SPAG17: variants seen among roughly 807,000 people sequenced by gnomAD.
The protein encoded by SPAG17 is sperm associated antigen 17, also known as sperm-associated antigen 17.
SPAG17 carries 169 observed loss-of-function variants against 273.6 expected under a neutral mutation model. The ratio of observed to expected loss-of-function variants is 0.62; its 90% CI spans 0.55 to 0.70. The LOEUF is 0.70. Ranked by LOEUF, SPAG17 falls within the 30% of genes least tolerant of loss-of-function variation. The pLI, the probability that SPAG17 is intolerant of heterozygous loss-of-function variation, is 0.00. For missense variants in SPAG17, 2,557 were observed against 2,627.8 expected (o/e 0.97, Z 0.59); for synonymous variants, 825 against 873.2 (o/e 0.94, Z 0.97).
Position 117,953,761 on chromosome 1 carries a change from T to C in SPAG17, c.*289A>G, listed in dbSNP as rs992707007. ...GCTCCTTTCAGGTGTTCCTGGGACC[T>C]GCCCTATTCAGAGTGTCTAGATATC... On this transcript the variant is annotated 3_prime_UTR_variant, in exon 49 of 49. Transcript: ENST00000336338. 16 of 610,300 alleles carry C rather than the reference T, an allele frequency of 2.6e-5. No individual in the cohort carries two copies. In the South Asian group the frequency reaches 2.7e-4, roughly 10 times the overall value. The allele number at this position is 610,300 out of a possible 1,614,324, so 37.8% of individuals were successfully genotyped here. A position where few individuals can be genotyped will look rare whatever the true frequency, so the allele number is the denominator to read the frequency against.
rs1310607429 is a variant in SPAG17, at chr1:118,023,460, G to T, written c.3913C>A (p.Leu1305Ile). 1.9e-6 allele frequency: 3 copies of T among 1,603,096 alleles called. No homozygotes were observed. Among genetic ancestry groups the T allele is most frequent in the Non-Finnish European group, 1.7e-6 (2 of 1,174,902 alleles). Reference sequence around the variant, plus strand: ...CTGCTCACAGCACCATCTGCAAAGAGAATCTGAAGAATGAACAAAAGTTTT... The same window carrying T: ...CTGCTCACAGCACCATCTGCAAAGATAATCTGAAGAATGAACAAAAGTTTT... ...KYMLDGSTQI[L>I]FADGAVSRSP... is the part of the protein sequence containing the mutation. The change falls in exon 28 of 49, where the codon CTC (leucine) becomes ATC (isoleucine). Residue 1305 changes from leucine to isoleucine, a missense_variant. Physicochemically the swap from Leu to Ile is conservative, Grantham distance 5 (BLOSUM62 2). Coordinates refer to ENST00000336338, the MANE Select transcript of SPAG17 (RefSeq NM_206996.4).
At chr1:118,167,763 C>G (rs981073648) in intron 1 of SPAG17, among the ~76,000 whole-genome samples, 1 of 152,118 alleles carries the variant, frequency 6.6e-6, no homozygotes, top group African/African-American at 2.4e-5. Context: ...CCACCCAAAT[C>G]TCATGCTCAG....
At chr1:117,972,322 G>T (rs1654652391) in intron 44 of SPAG17, among the ~76,000 whole-genome samples, 1 of 152,246 alleles carries the variant, frequency 6.6e-6, no homozygotes, top group African/African-American at 2.4e-5. Context: ...CCTGATTCTA[G>T]AGTCTGTGCT....
Position 118,081,264 on chromosome 1 carries a change from C to A in SPAG17, c.2046G>T (p.Val682=). The change falls in exon 15 of 49, where the codon GTG becomes GTT. Residue 682 remains valine (V), a synonymous_variant. Coordinates refer to ENST00000336338, the MANE Select transcript of SPAG17 (RefSeq NM_206996.4). ...GTTCTCGGTTGCTTTCATTATCTTG[C>A]ACAGACATTGACAAATTCTGATCCA... The part of the protein sequence containing the change: ...LFVDQNLSMS[V]QDNESNREPS... The A allele has an allele frequency of 1.2e-6, 2 of 1,614,060 alleles. No homozygotes were observed. The highest frequency in any genetic ancestry group is 1.7e-6 in the Non-Finnish European group (2 of 1,180,000).
chr1:118,150,603 T>C lies in SPAG17; in HGVS notation c.255A>G (p.Gly85=). 1 of 1,568,412 alleles carries C rather than the reference T, an allele frequency of 6.4e-7. No individual in the cohort carries two copies. Among genetic ancestry groups the C allele is most frequent in the Non-Finnish European group, 8.7e-7 (1 of 1,144,828 alleles). The change falls in exon 3 of 49, where the codon GGA becomes GGG. Residue 85 remains glycine (G), a synonymous_variant. Transcript: ENST00000336338. ...TTTTTGCCTTTTTAGATGAAGCAGATCCAACAAGTGTATTTATTTCATTAA... is the reference window on the plus strand; with the variant it reads ...TTTTTGCCTTTTTAGATGAAGCAGACCCAACAAGTGTATTTATTTCATTAA... The part of the protein sequence containing the change: ...QQINEINTLV[G]SASSKKAKKP...
intron 31 of SPAG17, among the ~76,000 whole-genome samples, chr1:118,007,018 G>A (rs548983931): frequency 2.6e-5 from 4 of 151,812 alleles, no homozygotes; most frequent in African/African-American, 9.7e-5. Context: ...ACCATTATCA[G>A]TTATATGATT....
chr1:118,115,555 C>A lies in SPAG17; in HGVS notation c.316-114G>T. 4 of 1,096,274 alleles carry A rather than the reference C, an allele frequency of 3.6e-6. No individual in the cohort carries two copies. The South Asian group carries it at 5.6e-5, about 15-fold the overall frequency. 67.9% of individuals were successfully genotyped at this position (1,096,274 alleles called of 1,614,324 possible). On this transcript the variant is annotated intron_variant, in intron 3 of 48. Transcript: ENST00000336338. Reference sequence around the variant, plus strand: ...TATTATTTGTCATACTGGAAAGATACTTCATTGCTGGCTGAAAAAAAAAAG... The same window carrying A: ...TATTATTTGTCATACTGGAAAGATAATTCATTGCTGGCTGAAAAAAAAAAG...
At chr1:118,082,671 T>C (rs961531163) in intron 13 of SPAG17, among the ~76,000 whole-genome samples, 5 of 152,024 alleles carry the variant, frequency 3.3e-5, no homozygotes, top group Non-Finnish European at 1.5e-5. Flanking sequence ...ATGTAAGAGA[T>C]AAAAGAGATG....
At chr1:118,047,585 C>G (rs1242805094) in intron 20 of SPAG17, among the ~76,000 whole-genome samples, 3 of 152,118 alleles carry the variant, frequency 2.0e-5, no homozygotes, top group African/African-American at 7.2e-5. Flanking sequence ...GGTGCTAGGA[C>G]AGTCCTCAGA....
At chr1:118,029,042 G>A (rs1220630525) in intron 25 of SPAG17, among the ~76,000 whole-genome samples, 1 of 152,034 alleles carries the variant, frequency 6.6e-6, no homozygotes, top group Non-Finnish European at 1.5e-5. Flanking sequence ...CTGAGGCAAG[G>A]AGTTAGAAAC....
At chr1:118,129,490 G>A (rs1657934318) in intron 3 of SPAG17, among the ~76,000 whole-genome samples, 1 of 152,136 alleles carries the variant, frequency 6.6e-6, no homozygotes, top group Non-Finnish European at 1.5e-5. Context: ...TCTGATATAC[G>A]CTAGATTTGA....
At chr1:118,131,466 T>G (rs1387285996) in intron 3 of SPAG17, among the ~76,000 whole-genome samples, 2 of 152,244 alleles carry the variant, frequency 1.3e-5, no homozygotes, top group Non-Finnish European at 2.9e-5. Flanking sequence ...TAGTTCTTAT[T>G]ACCATCTAAC....
rs994982822 is a variant in SPAG17 at position 118,071,115 on chromosome 1, C to T, written c.2385+2739G>A. On this transcript the variant is annotated intron_variant, in intron 17 of 48. Coordinates refer to ENST00000336338, the MANE Select transcript of SPAG17 (RefSeq NM_206996.4). ...CTATGGAAATCTCCCAGTCAAATCA[C>T]CCAACAATGAACTCAGTTATTGACA... is the stretch of plus-strand genomic sequence containing the variant. Among the ~76,000 whole-genome samples the T allele has an allele frequency of 7.2e-5, 11 of 151,904 alleles. No individual in the cohort carries two copies. In the South Asian group the frequency reaches 1.9e-3, roughly 26 times the overall value.
At chr1:118,088,680 T>C (rs1034935832) in intron 10 of SPAG17, among the ~76,000 whole-genome samples, 7 of 150,650 alleles carry the variant, frequency 4.6e-5, no homozygotes, top group Non-Finnish European at 1.0e-4. Flanking sequence ...TAGGCAATTG[T>C]AAAAAAAAAG....
intron 48 of SPAG17, chr1:117,961,567 ATGGTTTC>A (rs1210645892): frequency 6.6e-6 from 1 of 152,162 alleles, no homozygotes; most frequent in Non-Finnish European, 1.5e-5. Flanking sequence ...ATTTAAAACT[ATGGTTTC>A]TGTCTGAATT....
In SPAG17 at chr1:117,991,053, GTCATTCTT is replaced by G. The variant is rs146133260; in HGVS notation, c.5476-155_5476-148del. The stretch of plus-strand genomic sequence containing the variant: ...ACTGATATAAAATTAATTTTTCTAG[GTCATTCTT>G]TCTACTTCACTAATGTCTAAAAATG... On this transcript the variant is annotated intron_variant, in intron 37 of 48. Transcript: ENST00000336338. 1,032 of 464,622 alleles carry G rather than the reference GTCATTCTT, an allele frequency of 2.2e-3. 8 individuals carry two copies. The highest frequency in any genetic ancestry group is 0.019 in the African/African-American group (942 of 49,082). The allele number at this position is 464,622 out of a possible 1,614,324, so 28.8% of individuals were successfully genotyped here.
chr1:118,156,779 G>A (rs1659669331), intron 1 of SPAG17, among the ~76,000 whole-genome samples: 1 of 151,922 alleles, frequency 6.6e-6, no homozygotes, highest in Admixed American at 6.6e-5. Flanking sequence ...CTACCTATAG[G>A]CTGCAAATTC....
intron 43 of SPAG17, among the ~76,000 whole-genome samples, chr1:117,974,868 A>T (rs1429954139): frequency 6.6e-6 from 1 of 152,192 alleles, no homozygotes; most frequent in Non-Finnish European, 1.5e-5. Flanking sequence ...TGAGTGCCAC[A>T]CATGTTTTTA....
chr1:117,954,178 AAC>A (rs1212486388), intron 48 of SPAG17, 129 bp from the exon 49 acceptor site: 1 of 1,213,300 alleles, frequency 8.2e-7, no homozygotes, highest in Non-Finnish European at 1.2e-6. Context: ...GGGATTTATT[AAC>A]TAAGATCAGG....
Sources: gnomAD v4.1 joint callset for allele counts (sites outside exome capture counted in the v4.1 genomes callset) on GRCh38, gnomAD v4.1.1 for gene constraint, MANE v1.5 for transcripts, NCBI Gene and HGNC (gene_info 2026-07-23, HGNC 2026-07-21) for gene names.